AMBRA1: variants seen among roughly 807,000 people sequenced by gnomAD.
AMBRA1 encodes the protein activating molecule in BECN1-regulated autophagy protein 1.
Under a neutral mutation model 125.4 loss-of-function variants are expected in AMBRA1, and 47 were observed. The observed-to-expected ratio is 0.37, with a 90% CI of 0.30 to 0.48. AMBRA1 has a LOEUF of 0.48. AMBRA1 is among the 20% of genes least tolerant of loss of function. The pLI is 0.99. For missense variants in AMBRA1, 1,331 were observed against 1,693.4 expected (o/e 0.79, Z 3.76); for synonymous variants, 626 against 655.5 (o/e 0.95, Z 0.69).
Position 46,424,731 on chromosome 11 carries a change from T to C in AMBRA1, c.2977-6679A>G, listed in dbSNP as rs537067063. Among the ~76,000 whole-genome samples, 16 of 152,218 alleles carry C rather than the reference T, an allele frequency of 1.1e-4. No homozygotes were observed. The South Asian group carries it at 2.9e-3, about 28-fold the overall frequency. On this transcript the variant is annotated intron_variant, in intron 14 of 17. Coordinates refer to ENST00000683756, the MANE Select transcript of AMBRA1 (RefSeq NM_001387011.1). ...GGCACATACCTCTAATCCTAGCTAC[T>C]TGGGAGGCTGAGGTGGGAGGATTGC...
chr11:46,470,528 G>T (rs1344806788), intron 11 of AMBRA1, among the ~76,000 whole-genome samples: 1 of 148,070 alleles, frequency 6.8e-6, no homozygotes, highest in Non-Finnish European at 1.5e-5. Context: ...GGCAGAGCTT[G>T]CAGTGAGCCG....
At chr11:46,448,540 A>T (rs1590832461) in intron 11 of AMBRA1, among the ~76,000 whole-genome samples, 1 of 152,180 alleles carries the variant, frequency 6.6e-6, no homozygotes, top group Admixed American at 6.5e-5. Context: ...TAATTTAAGC[A>T]CCTACCATAA....
rs1350859219 is a variant in AMBRA1 at position 46,507,037 on chromosome 11, C to T, written c.2339+1154G>A. The stretch of plus-strand genomic sequence containing the variant: ...AAAAAAAAAAAAAAAATTAGCCGGG[C>T]GTGGTGGCAGGCGCCTGTAGTCCCA... On this transcript the variant is annotated intron_variant, in intron 9 of 17. Coordinates refer to ENST00000683756, the MANE Select transcript of AMBRA1 (RefSeq NM_001387011.1). Among the ~76,000 whole-genome samples the T allele has an allele frequency of 8.7e-5, 13 of 148,694 alleles. 1 individual carries two copies. The South Asian group carries it at 1.5e-3, about 17-fold the overall frequency.
Position 46,464,199 on chromosome 11 carries a change from T to C in AMBRA1, c.2522-20601A>G, listed in dbSNP as rs577919890. Among the ~76,000 whole-genome samples, 6 of 152,340 alleles carry C rather than the reference T, an allele frequency of 3.9e-5. No homozygotes were observed. The South Asian group carries it at 1.2e-3, about 32-fold the overall frequency. On this transcript the variant is annotated intron_variant, in intron 11 of 17. Transcript: ENST00000683756. ...AGAGAATCAGCACTAGATGTTTTCA[T>C]GCATTCAAAAATTTCCATGTATTTA... is the stretch of plus-strand genomic sequence containing the variant.
At chr11:46,442,527 G>C (rs1048793720) in intron 12 of AMBRA1, among the ~76,000 whole-genome samples, 1 of 152,074 alleles carries the variant, frequency 6.6e-6, no homozygotes, top group African/African-American at 2.4e-5. Context: ...TCAAGCAGAG[G>C]CTGGACCATC....
intron 8 of AMBRA1, 120 bp downstream of exon 8, chr11:46,512,605 CTG>C: frequency 2.9e-6 from 2 of 696,420 alleles, no homozygotes; most frequent in Non-Finnish European, 2.3e-6. Flanking sequence ...TGTCTCAAAA[CTG>C]TAACTGAAGA....
chr11:46,461,401 T>G (rs1949082710), intron 11 of AMBRA1, among the ~76,000 whole-genome samples: 1 of 152,260 alleles, frequency 6.6e-6, no homozygotes, highest in South Asian at 2.1e-4. Flanking sequence ...CTAAAATTTC[T>G]GGGCATATGT....
chr11:46,571,149 G>A (rs1156996955), intron 1 of AMBRA1, among the ~76,000 whole-genome samples: 1 of 152,158 alleles, frequency 6.6e-6, no homozygotes, highest in Non-Finnish European at 1.5e-5. Flanking sequence ...TTCTATAAAT[G>A]ACAAATACCA....
At chr11:46,413,498 A>AT (rs1358896732) in intron 15 of AMBRA1, among the ~76,000 whole-genome samples, 2 of 151,156 alleles carry the variant, frequency 1.3e-5, no homozygotes, top group Non-Finnish European at 2.9e-5. Context: ...TTCTTTCTCT[A>AT]TTTTTTTCTG....
intron 3 of AMBRA1, chr11:46,547,508 C>T: frequency 1.8e-6 from 1 of 567,278 alleles, no homozygotes; most frequent in Non-Finnish European, 3.1e-6. Flanking sequence ...TGACACATGC[C>T]ACATTCGGAA....
chr11:46,439,416 A>G (rs2136734033), intron 12 of AMBRA1, among the ~76,000 whole-genome samples: 1 of 152,360 alleles, frequency 6.6e-6, no homozygotes, highest in Middle Eastern at 3.4e-3. Context: ...AATTAATAGT[A>G]TGATGAAGAT....
intron 14 of AMBRA1, among the ~76,000 whole-genome samples, chr11:46,418,390 A>G (rs1326687409): frequency 6.9e-6 from 1 of 144,888 alleles, no homozygotes; most frequent in Non-Finnish European, 1.5e-5. Flanking sequence ...ATATATATTT[A>G]TTATATATTA....
chr11:46,427,811 C>T (rs985745111), intron 14 of AMBRA1, among the ~76,000 whole-genome samples: 1 of 151,954 alleles, frequency 6.6e-6, no homozygotes, highest in Non-Finnish European at 1.5e-5. Context: ...GAGTTCGAGA[C>T]CAGCCTGGTC....
intron 7 of AMBRA1, among the ~76,000 whole-genome samples, chr11:46,534,858 G>C (rs1952392163): frequency 6.6e-6 from 1 of 152,020 alleles, no homozygotes; most frequent in Non-Finnish European, 1.5e-5. Context: ...GCTTTTTGTA[G>C]AGATAGGGTT....
At chr11:46,543,644 T>C (rs1028094481) in intron 6 of AMBRA1, among the ~76,000 whole-genome samples, 2 of 152,164 alleles carry the variant, frequency 1.3e-5, no homozygotes, top group Admixed American at 6.5e-5. Flanking sequence ...CCAATTGTCT[T>C]ACAAAAGACA....
intron 1 of AMBRA1, among the ~76,000 whole-genome samples, chr11:46,573,543 GC>G (rs1386272293): frequency 6.6e-6 from 1 of 152,042 alleles, no homozygotes; most frequent in Non-Finnish European, 1.5e-5. Flanking sequence ...TTCCAGACTG[GC>G]AGTTATGTAA....
Position 46,493,798 on chromosome 11 carries a change from A to C in AMBRA1, c.2421-90T>G, listed in dbSNP as rs904210848. Reference sequence around the variant, plus strand: ...TACACTGAAAAATCTGGGCTAAGGGACCCACTGAATCCACAGATGCCCAGA... The same window carrying C: ...TACACTGAAAAATCTGGGCTAAGGGCCCCACTGAATCCACAGATGCCCAGA... On this transcript the variant is annotated intron_variant, in intron 10 of 17. Coordinates refer to ENST00000683756, the MANE Select transcript of AMBRA1 (RefSeq NM_001387011.1). 84 of 991,028 alleles carry C rather than the reference A, an allele frequency of 8.5e-5. No individual in the cohort carries two copies. The African/African-American group carries it at 1.2e-3, about 15-fold the overall frequency. 61.4% of individuals were successfully genotyped at this position (991,028 alleles called of 1,614,324 possible).
intron 1 of AMBRA1, among the ~76,000 whole-genome samples, chr11:46,569,227 C>G (rs1382443310): frequency 1.7e-5 from 2 of 120,910 alleles, no homozygotes; most frequent in African/African-American, 6.3e-5. Flanking sequence ...GCCTGGGCGA[C>G]AAGAGGGAAT....
intron 7 of AMBRA1, among the ~76,000 whole-genome samples, chr11:46,517,319 T>C (rs1951536609): frequency 6.6e-6 from 1 of 151,380 alleles, no homozygotes; most frequent in Non-Finnish European, 1.5e-5. Flanking sequence ...AGCTGATTTT[T>C]GTATTTTTAG....
Sources: gnomAD v4.1 joint callset for allele counts (sites outside exome capture counted in the v4.1 genomes callset) on GRCh38, gnomAD v4.1.1 for gene constraint, MANE v1.5 for transcripts, NCBI Gene and HGNC (gene_info 2026-07-23, HGNC 2026-07-21) for gene names.